The following SDK1 variants were observed in gnomAD, a reference collection of about 807,000 sequenced individuals.
SDK1 encodes the protein sidekick cell adhesion molecule 1, also known as protein sidekick-1.
SDK1 carries 157 observed loss-of-function variants against 245.5 expected under a neutral mutation model. The ratio of observed to expected loss-of-function variants is 0.64; its 90% CI spans 0.56 to 0.73. SDK1 has a LOEUF of 0.73. Ranked by LOEUF, SDK1 falls within the 30% of genes least tolerant of loss-of-function variation. The pLI, the probability that SDK1 is intolerant of heterozygous loss-of-function variation, is 0.00. For synonymous variants in SDK1, 1,647 were observed against 1,278.5 expected, an observed-to-expected ratio of 1.29 and a Z score of -6.15; for missense variants, 3,583 against 3,002.3, an observed-to-expected ratio of 1.19 and a Z score of -4.52.
chr7:3,408,073 T>C (rs1779099594), intron 1 of SDK1, among the ~76,000 whole-genome samples: 1 of 152,110 alleles, frequency 6.6e-6, no homozygotes, highest in Non-Finnish European at 1.5e-5. Flanking sequence ...AGAGTCTTGC[T>C]GTCACCCAGG....
At position 4,017,218 on chromosome 7, in the gene SDK1, C is replaced by A. The variant is rs768104403; in HGVS notation, c.2468C>A (p.Thr823Asn). The A allele has an allele frequency of 6.2e-7, 1 of 1,613,890 alleles. No individual in the cohort carries two copies. The highest frequency in any genetic ancestry group is 8.5e-7 in the Non-Finnish European group (1 of 1,179,910). ...GGAGAGTACCAGCAGCGGAACATCA[C>A]CAGCCCGGAGGTGAACTACTGCCTG... ...LPGEYQQRNI[T>N]SPEVNYCLVT... Residue 823 changes from threonine to asparagine, a missense_variant, in exon 17 of 45, where the codon ACC becomes AAC. Transcript: ENST00000404826.
At chr7:3,792,545 T>C (rs1399927430) in intron 4 of SDK1, among the ~76,000 whole-genome samples, 1 of 152,156 alleles carries the variant, frequency 6.6e-6, no homozygotes, top group African/African-American at 2.4e-5. Flanking sequence ...AAATCAGGCT[T>C]TTATGCTCTC....
chr7:4,033,815 G>A (rs28372090), intron 17 of SDK1, among the ~76,000 whole-genome samples: 1 of 151,968 alleles, frequency 6.6e-6, no homozygotes, highest in South Asian at 2.1e-4. Context: ...GCTCGGGGGA[G>A]GGGGAAGAGG....
At position 3,786,864 on chromosome 7, in the gene SDK1, G is replaced by C. The variant is rs28656287; in HGVS notation, c.714-34586G>C. On this transcript the variant is annotated intron_variant, in intron 4 of 44. Coordinates refer to ENST00000404826, the MANE Select transcript of SDK1 (RefSeq NM_152744.4). ...CACCCTACAACTCCCTTTGGCTCCTGCAGCTCCCCCACACCCCCACCAACA... is the reference window on the plus strand; with the variant it reads ...CACCCTACAACTCCCTTTGGCTCCTCCAGCTCCCCCACACCCCCACCAACA... 5.6e-3 allele frequency among the ~76,000 whole-genome samples: 848 copies of C among 152,080 alleles called. 9 individuals are homozygous for C. The highest frequency in any genetic ancestry group is 0.02 in the African/African-American group (815 of 41,470).
intron 22 of SDK1, among the ~76,000 whole-genome samples, chr7:4,090,421 A>G (rs1378999678): frequency 6.6e-6 from 1 of 151,858 alleles, no homozygotes; most frequent in Non-Finnish European, 1.5e-5. Context: ...CTCCTCATTT[A>G]TTTTTCCATT....
At chr7:3,742,551 C>G (rs758366910) in intron 4 of SDK1, among the ~76,000 whole-genome samples, 3 of 152,174 alleles carry the variant, frequency 2.0e-5, no homozygotes, top group Admixed American at 6.5e-5. Flanking sequence ...CAGTCTGCCA[C>G]CCCTAGAAGT....
chr7:4,093,959 A>G (rs901529056), intron 22 of SDK1, among the ~76,000 whole-genome samples: 5 of 152,226 alleles, frequency 3.3e-5, no homozygotes, highest in Non-Finnish European at 7.3e-5. Context: ...ATGTCGTCTC[A>G]GCAGATGAGT....
intron 7 of SDK1, among the ~76,000 whole-genome samples, chr7:3,954,810 C>G (rs934625312): frequency 6.6e-6 from 1 of 151,584 alleles, no homozygotes; most frequent in African/African-American, 2.4e-5. Flanking sequence ...CACAGAGGCT[C>G]TGAAATAGTG....
intron 4 of SDK1, among the ~76,000 whole-genome samples, chr7:3,775,710 G>A (rs1268086592): frequency 6.6e-6 from 1 of 151,778 alleles, no homozygotes; most frequent in Non-Finnish European, 1.5e-5. Context: ...CCGAGTAGCT[G>A]GGACTACAGG....
At chr7:3,571,078 T>G (rs1780099598) in intron 1 of SDK1, among the ~76,000 whole-genome samples, 1 of 152,070 alleles carries the variant, frequency 6.6e-6, no homozygotes, top group African/African-American at 2.4e-5. Flanking sequence ...GTTGAGATGT[T>G]CATTTTTAAA....
At chr7:3,484,925 C>T (rs1254922798) in intron 1 of SDK1, among the ~76,000 whole-genome samples, 1 of 152,104 alleles carries the variant, frequency 6.6e-6, no homozygotes, top group Non-Finnish European at 1.5e-5. Flanking sequence ...AGCTTGATTC[C>T]ATATCTTGGC....
intron 4 of SDK1, among the ~76,000 whole-genome samples, chr7:3,670,841 A>G (rs994230851): frequency 2.6e-5 from 4 of 152,154 alleles, no homozygotes; most frequent in African/African-American, 9.7e-5. Context: ...ATCCCCTTTT[A>G]CTACTGGTTT....
chr7:3,871,780 C>T lies in SDK1; in HGVS notation c.847+50197C>T, dbSNP rs558175016. On this transcript the variant is annotated intron_variant, in intron 5 of 44. Transcript: ENST00000404826. ...ATGACCCCAACGCCACCCACCAGGC[C>T]CCACCTCCAACACTGGGGATCAAAT... Among the ~76,000 whole-genome samples, 198 of 152,254 alleles carry T rather than the reference C, an allele frequency of 1.3e-3. 3 individuals carry two copies. The highest frequency in any genetic ancestry group is 4.5e-3 in the African/African-American group (186 of 41,538).
rs78232131 is a variant in SDK1, at chr7:4,114,354, C to G, written c.3823+80C>G. ...TGCCCCTGAGCCTCCAGATCCCAGG[C>G]TAGTGGCGTCTCATTGGCCTGTCCC... On this transcript the variant is annotated intron_variant, in intron 25 of 44. Transcript: ENST00000404826. 21,799 of 1,117,420 alleles carry G rather than the reference C, an allele frequency of 0.02. 856 individuals carry two copies. The highest frequency in any genetic ancestry group is 0.12 in the African/African-American group (7,938 of 64,820). 69.2% of individuals were successfully genotyped at this position (1,117,420 alleles called of 1,614,324 possible).
At chr7:3,971,640 A>G in intron 12 of SDK1, 72 bp downstream of exon 12, 1 of 1,152,754 alleles carries the variant, frequency 8.7e-7, no homozygotes. Flanking sequence ...AGTTGAGATG[A>G]GGAGGAAGAA....
At chr7:4,020,286 G>A (rs1434788316) in intron 17 of SDK1, among the ~76,000 whole-genome samples, 1 of 151,998 alleles carries the variant, frequency 6.6e-6, no homozygotes, top group African/African-American at 2.4e-5. Context: ...TCCATGGCCT[G>A]GGGGACATGG....
chr7:3,536,822 A>C (rs956778607), intron 1 of SDK1, among the ~76,000 whole-genome samples: 4 of 152,232 alleles, frequency 2.6e-5, no homozygotes, highest in Non-Finnish European at 4.4e-5. Flanking sequence ...TAATATTTTT[A>C]ACAATTGATA....
chr7:3,678,622 TG>T (rs1783991582), intron 4 of SDK1, among the ~76,000 whole-genome samples: 1 of 152,114 alleles, frequency 6.6e-6, no homozygotes, highest in African/African-American at 2.4e-5. Flanking sequence ...ATCATGGCCC[TG>T]GGGGGAGGGA....
chr7:4,200,838 A>G (rs1331104348), intron 35 of SDK1, among the ~76,000 whole-genome samples: 2 of 152,268 alleles, frequency 1.3e-5, no homozygotes, highest in South Asian at 4.1e-4. Context: ...TGGATCTGCA[A>G]ACAGCTCAGG....
Sources: allele counts gnomAD v4.1 joint callset (sites outside exome capture counted in the v4.1 genomes callset), GRCh38; gene constraint gnomAD v4.1.1; transcripts MANE v1.5; gene names NCBI Gene and HGNC (gene_info 2026-07-23, HGNC 2026-07-21).